The following ASB15 variants were observed in gnomAD, a reference collection of about 807,000 sequenced individuals.
ASB15 encodes the protein ankyrin repeat and SOCS box containing 15.
In ASB15, 54 loss-of-function variants were observed where a neutral mutation model predicts 58.0. The observed-to-expected ratio is 0.93, with a 90% CI of 0.75 to 1.17. ASB15 has a LOEUF of 1.17. Ranked by LOEUF, ASB15 falls within the 50% of genes most tolerant of loss-of-function variation. The pLI, the probability that ASB15 is intolerant of heterozygous loss-of-function variation, is 0.00. For synonymous variants in ASB15, 249 were observed against 262.4 expected, an observed-to-expected ratio of 0.95 and a Z score of 0.50; for missense variants, 680 against 707.4, an observed-to-expected ratio of 0.96 and a Z score of 0.44.
chr7:123,623,088 A>T (rs368383271), intron 7 of ASB15: 15 of 152,206 alleles, frequency 9.9e-5, no homozygotes, highest in African/African-American at 3.6e-4. Context: ...GTCTCTCTTT[A>T]AATAGAAGGC....
At chr7:123,598,421 C>T (rs1799768894), upstream of ASB15, among the ~76,000 whole-genome samples, 1 of 152,112 alleles carries the variant, frequency 6.6e-6, no homozygotes, top group African/African-American at 2.4e-5. Context: ...ATATTCTCTC[C>T]TTTTAATCCA....
At chr7:123,588,669 T>C (rs1799444149) in intron 1 of ASB15, among the ~76,000 whole-genome samples, 1 of 151,422 alleles carries the variant, frequency 6.6e-6, no homozygotes, top group Non-Finnish European at 1.5e-5. Context: ...AGTTAGGCTA[T>C]TTATTTGGGA....
At chr7:123,606,573 T>C (rs1244865206) in intron 2 of ASB15, among the ~76,000 whole-genome samples, 2 of 152,208 alleles carry the variant, frequency 1.3e-5, no homozygotes, top group Non-Finnish European at 2.9e-5. Flanking sequence ...ACATTAGATT[T>C]CCAGAATTTA....
upstream of ASB15, among the ~76,000 whole-genome samples, chr7:123,599,501 T>G (rs1020130825): frequency 3.9e-5 from 6 of 152,202 alleles, no homozygotes; most frequent in Non-Finnish European, 7.3e-5. Flanking sequence ...AGTGCCACAC[T>G]CTTTTTCAGG....
rs767656865 is a variant in ASB15 at position 123,624,702 on chromosome 7, G to A, written c.585G>A (p.Leu195=). 1.2e-6 allele frequency: 2 copies of A among 1,614,192 alleles called. No individual in the cohort carries two copies. The highest frequency in any genetic ancestry group is 8.5e-7 in the Non-Finnish European group (1 of 1,180,032). ...AAGGCCGAAAAGATATCGTAGCTCTGCTGCTGAAACATGGAGGCAATGTCC... is the reference window on the plus strand; with the variant it reads ...AAGGCCGAAAAGATATCGTAGCTCTACTGCTGAAACATGGAGGCAATGTCC... ...AKQGRKDIVA[L]LLKHGGNVHL... Residue 195 remains leucine, a synonymous_variant, in exon 8 of 12, where the codon CTG becomes CTA. Transcript: ENST00000451215.
intron 1 of ASB15, among the ~76,000 whole-genome samples, chr7:123,573,761 A>C (rs1173385046): frequency 6.6e-6 from 1 of 152,154 alleles, no homozygotes; most frequent in African/African-American, 2.4e-5. Context: ...TTTCTAGACT[A>C]CTTTAGATCT....
chr7:123,594,712 G>A (rs780540283), intron 1 of ASB15, among the ~76,000 whole-genome samples: 1 of 152,150 alleles, frequency 6.6e-6, no homozygotes, highest in Non-Finnish European at 1.5e-5. Flanking sequence ...CTACTGGGAG[G>A]AGTCTCCCTG....
At chr7:123,617,882 G>A in intron 7 of ASB15, 145 bp downstream of exon 7, 1 of 805,930 alleles carries the variant, frequency 1.2e-6, no homozygotes, top group Non-Finnish European at 1.9e-6. Flanking sequence ...CTTCTGTCCT[G>A]TGATTTTGTT....
chr7:123,621,439 G>A (rs1490752614), intron 7 of ASB15: 1 of 152,114 alleles, frequency 6.6e-6, no homozygotes, highest in African/African-American at 2.4e-5. Flanking sequence ...GTCTTCTTAG[G>A]TTTTATAGGA....
intron 1 of ASB15, among the ~76,000 whole-genome samples, chr7:123,595,429 T>A (rs1289024486): frequency 6.6e-6 from 1 of 152,230 alleles, no homozygotes; most frequent in Non-Finnish European, 1.5e-5. Context: ...GTCGGGTTAT[T>A]CTTTGTGAAA....
At chr7:123,634,027 T>C (rs536959601) in intron 11 of ASB15, among the ~76,000 whole-genome samples, 3 of 152,188 alleles carry the variant, frequency 2.0e-5, no homozygotes, top group African/African-American at 4.8e-5. Context: ...TGGGTTTTTT[T>C]CTGTTTTTTT....
At chr7:123,577,951 G>T (rs554325308) in intron 1 of ASB15, among the ~76,000 whole-genome samples, 1 of 151,696 alleles carries the variant, frequency 6.6e-6, no homozygotes, top group South Asian at 2.1e-4. Context: ...GTGCAGTTTT[G>T]TTACATAGGT....
chr7:123,619,812 C>T (rs142810013), intron 7 of ASB15, among the ~76,000 whole-genome samples: 190 of 152,240 alleles, frequency 1.2e-3, no homozygotes, highest in African/African-American at 4.2e-3. Context: ...CGTGAGCCAC[C>T]GCTCCTGGCC....
upstream of ASB15, among the ~76,000 whole-genome samples, chr7:123,598,428 T>C (rs1470974622): frequency 1.3e-5 from 2 of 152,128 alleles, no homozygotes; most frequent in African/African-American, 4.8e-5. Flanking sequence ...CTCCTTTTAA[T>C]CCAAGTTTGT....
Position 123,617,745 on chromosome 7 carries a change from AC to A in ASB15, c.451+10del. ...AGACCCCCCTTCTGATTGGTAAATG[AC>A]CTTTTTTTCTAGAACTTTTATAGTT... On this transcript the variant is annotated intron_variant, in intron 7 of 11. Transcript: ENST00000451215. 6.3e-7 allele frequency: 1 copy of A among 1,598,230 alleles called. No homozygotes were observed. The highest frequency in any genetic ancestry group is 2.2e-5 in the East Asian group (1 of 44,736).
chr7:123,603,627 A>G (rs1799995781), intron 1 of ASB15, among the ~76,000 whole-genome samples: 1 of 152,194 alleles, frequency 6.6e-6, no homozygotes, highest in Non-Finnish European at 1.5e-5. Context: ...GTGGAGCTTA[A>G]GGACATATAG....
chr7:123,627,289 A>G lies in ASB15; in HGVS notation c.869+8A>G, dbSNP rs1353034523. 4.4e-5 allele frequency: 71 copies of G among 1,604,244 alleles called. No individual in the cohort carries two copies. Among genetic ancestry groups the G allele is most frequent in the Non-Finnish European group, 6.1e-5 (71 of 1,171,666 alleles). On this transcript the variant is annotated splice_region_variant and intron_variant, in intron 9 of 11. Coordinates refer to ENST00000451215, the MANE Select transcript of ASB15 (RefSeq NM_001290258.2). ...CTATGAGGGGCATTATCTGTGAGTGATAAATTATAGGGTAATTATTTGAGT... is the reference window on the plus strand; with the variant it reads ...CTATGAGGGGCATTATCTGTGAGTGGTAAATTATAGGGTAATTATTTGAGT...
intron 11 of ASB15, among the ~76,000 whole-genome samples, chr7:123,635,458 C>T (rs186957389): frequency 3.0e-4 from 45 of 151,782 alleles, no homozygotes; most frequent in Non-Finnish European, 2.1e-4. Context: ...TAGTAATAGA[C>T]ATAGAAAATA....
chr7:123,597,917 CGTGTGTGTGTGTGTGTGTGTGT>C (rs61508655), upstream of ASB15, among the ~76,000 whole-genome samples: 55 of 133,072 alleles, frequency 4.1e-4, 1 homozygote, highest in Non-Finnish European at 3.1e-4. Context: ...TTTCAAACTT[CGTGTGTGTGTGTGTGTGTGTGT>C]GTGTGTGTGT....
Sources: allele counts gnomAD v4.1 joint callset (sites outside exome capture counted in the v4.1 genomes callset), GRCh38; gene constraint gnomAD v4.1.1; transcripts MANE v1.5; gene names NCBI Gene and HGNC (gene_info 2026-07-23, HGNC 2026-07-21).